CAP2: variants seen among roughly 807,000 people sequenced by gnomAD.
The protein encoded by CAP2 is adenylyl cyclase-associated protein 2.
A neutral mutation model predicts 57.7 loss-of-function variants in CAP2; 24 were observed. That is an observed-to-expected ratio of 0.42 (90% CI 0.30 to 0.58). The LOEUF is 0.58. Ranked by LOEUF, CAP2 falls within the 20% of genes least tolerant of loss-of-function variation. CAP2 has a pLI of 0.22. For missense variants in CAP2, 501 were observed against 590.3 expected (o/e 0.85, Z 1.57); for synonymous variants, 194 against 207.2 (o/e 0.94, Z 0.55).
intron 3 of CAP2, among the ~76,000 whole-genome samples, chr6:17,450,192 C>T (rs1310757237): frequency 2.6e-5 from 4 of 151,994 alleles, no homozygotes; most frequent in Non-Finnish European, 5.9e-5. Flanking sequence ...GCTGGGACTA[C>T]AGGCGCCCAC....
chr6:17,442,575 G>C (rs974476452), intron 3 of CAP2, among the ~76,000 whole-genome samples: 2 of 152,124 alleles, frequency 1.3e-5, no homozygotes, highest in Non-Finnish European at 2.9e-5. Context: ...TGTATCTACA[G>C]CTCAGTCCAT....
At chr6:17,551,321 T>C (rs1763166827) in intron 11 of CAP2, 143 bp from the exon 12 acceptor site, 1 of 599,582 alleles carries the variant, frequency 1.7e-6, no homozygotes, top group Non-Finnish European at 2.8e-6. Flanking sequence ...TGCCATTAAC[T>C]CACCTCCCCA....
intron 7 of CAP2, among the ~76,000 whole-genome samples, chr6:17,534,699 A>G (rs1762731384): frequency 6.6e-6 from 1 of 152,110 alleles, no homozygotes; most frequent in Non-Finnish European, 1.5e-5. Context: ...GAAGTAGTGG[A>G]TCACTCGATG....
chr6:17,556,266 A>G, intron 12 of CAP2, 93 bp from the exon 13 acceptor site: 1 of 882,448 alleles, frequency 1.1e-6, no homozygotes, highest in Non-Finnish European at 1.9e-6. Flanking sequence ...CATGTGGCAC[A>G]AATCAGCCTC....
chr6:17,541,900 C>G (rs1179467940), intron 9 of CAP2, among the ~76,000 whole-genome samples: 2 of 152,150 alleles, frequency 1.3e-5, no homozygotes, highest in Admixed American at 6.6e-5. Context: ...TTTTCTTCAA[C>G]TTTTTAAATT....
At chr6:17,505,310 T>C (rs772013397) in intron 4 of CAP2, among the ~76,000 whole-genome samples, 5 of 152,058 alleles carry the variant, frequency 3.3e-5, no homozygotes, top group Non-Finnish European at 5.9e-5. Flanking sequence ...GAAGGAGAGG[T>C]AAAGTCTAAA....
intron 1 of CAP2, among the ~76,000 whole-genome samples, chr6:17,398,141 C>T (rs1024744070): frequency 2.7e-4 from 41 of 152,288 alleles, no homozygotes; most frequent in Admixed American, 2.6e-4. Context: ...CCTTTTAACC[C>T]GGTCACTCAC....
chr6:17,407,293 T>G (rs1232178452), intron 1 of CAP2, among the ~76,000 whole-genome samples: 3 of 152,008 alleles, frequency 2.0e-5, no homozygotes. Flanking sequence ...ACAGCATGAG[T>G]TGAAACCCCT....
At chr6:17,449,672 G>C (rs974296167) in intron 3 of CAP2, among the ~76,000 whole-genome samples, 5 of 152,086 alleles carry the variant, frequency 3.3e-5, no homozygotes, top group African/African-American at 1.2e-4. Flanking sequence ...GCCTCCCAAA[G>C]TGTTGGGATT....
chr6:17,470,552 A>G (rs1760990788), intron 4 of CAP2, among the ~76,000 whole-genome samples: 1 of 152,098 alleles, frequency 6.6e-6, no homozygotes, highest in Non-Finnish European at 1.5e-5. Flanking sequence ...GGCTTCTTCC[A>G]TCTTGGGGCA....
At chr6:17,448,620 G>T (rs1331132955) in intron 3 of CAP2, among the ~76,000 whole-genome samples, 2 of 152,308 alleles carry the variant, frequency 1.3e-5, no homozygotes, top group South Asian at 4.1e-4. Context: ...GAAGAGTTCA[G>T]TGTTGGGCTT....
intron 7 of CAP2, among the ~76,000 whole-genome samples, chr6:17,527,906 T>A (rs1762548920): frequency 6.6e-6 from 1 of 152,196 alleles, no homozygotes; most frequent in Non-Finnish European, 1.5e-5. Context: ...CCTGGCCATG[T>A]GTTCATTATA....
intron 1 of CAP2, among the ~76,000 whole-genome samples, chr6:17,404,370 C>T (rs59762544): frequency 0.033 from 5,045 of 152,204 alleles, 292 homozygotes; most frequent in African/African-American, 0.11. Flanking sequence ...CTTTGGGAGG[C>T]CAAGGCGGGC....
At chr6:17,443,598 C>T (rs1324660382) in intron 3 of CAP2, among the ~76,000 whole-genome samples, 6 of 151,820 alleles carry the variant, frequency 4.0e-5, no homozygotes, top group Middle Eastern at 3.4e-3. Flanking sequence ...CACACACGTG[C>T]GCACGTGCAC....
At chr6:17,488,354 CT>C (rs1172695029) in intron 4 of CAP2, among the ~76,000 whole-genome samples, 2 of 152,200 alleles carry the variant, frequency 1.3e-5, no homozygotes, top group Non-Finnish European at 1.5e-5. Context: ...AAACACCTCC[CT>C]TCTGGATTGT....
At chr6:17,531,788 A>G in intron 7 of CAP2, 1 of 574,050 alleles carries the variant, frequency 1.7e-6, no homozygotes, top group Non-Finnish European at 3.1e-6. Flanking sequence ...TTTAGGATAA[A>G]GATACCTGCA....
intron 2 of CAP2, 25 bp downstream of exon 2, chr6:17,421,701 C>A: frequency 6.2e-7 from 1 of 1,613,498 alleles, no homozygotes; most frequent in Non-Finnish European, 8.5e-7. Context: ...TGTTGTCATT[C>A]CTGGTCTTCT....
chr6:17,396,449 C>G (rs779190648), intron 1 of CAP2, among the ~76,000 whole-genome samples: 1 of 152,044 alleles, frequency 6.6e-6, no homozygotes, highest in South Asian at 2.1e-4. Context: ...ATCCATACAG[C>G]GAGATATTAT....
At position 17,455,314 on chromosome 6, in the gene CAP2, G is replaced by A. The variant is rs114905592; in HGVS notation, c.223-7682G>A. ...AAAAAAATGCCTCAAGCGAGCATGC[G>A]CACAACTTAAATTACACACTGTGTG... On this transcript the variant is annotated intron_variant, in intron 3 of 12. Coordinates refer to ENST00000229922, the MANE Select transcript of CAP2 (RefSeq NM_006366.3). Among the ~76,000 whole-genome samples, 1,024 of 151,814 alleles carry A rather than the reference G, an allele frequency of 6.7e-3. 11 individuals are homozygous for A. Among genetic ancestry groups the A allele is most frequent in the African/African-American group, 0.023 (963 of 41,374 alleles).
Sources: gnomAD v4.1 joint callset for allele counts (sites outside exome capture counted in the v4.1 genomes callset) on GRCh38, gnomAD v4.1.1 for gene constraint, MANE v1.5 for transcripts, NCBI Gene and HGNC (gene_info 2026-07-23, HGNC 2026-07-21) for gene names.